TXLNG: variants seen among roughly 807,000 people sequenced by gnomAD.
TXLNG encodes the protein taxilin gamma.
Under a neutral mutation model 38.8 loss-of-function variants are expected in TXLNG, and 5 were observed. The observed-to-expected ratio is 0.13, with a 90% confidence interval of 0.07 to 0.27. The LOEUF is 0.27. TXLNG is among the 10% of genes least tolerant of loss of function. The probability of loss-of-function intolerance (pLI) is 1.00; values close to 1 mark genes in which losing one functional copy is unlikely to be tolerated. For missense variants in TXLNG, 393 were observed against 398.2 expected (o/e 0.99, Z 0.11); for synonymous variants, 182 against 158.2 (o/e 1.15, Z -1.13).
At chrX:16,821,727 A>C (rs914297539) in intron 3 of TXLNG, among the ~76,000 whole-genome samples, 1 of 111,669 alleles carries the variant, frequency 9.0e-6, no homozygotes, top group Non-Finnish European at 1.9e-5. Flanking sequence ...GCGGTGGCTC[A>C]CGCCTGTAAT....
At chrX:16,817,788 A>G (rs1303608311) in intron 1 of TXLNG, among the ~76,000 whole-genome samples, 1 of 112,579 alleles carries the variant, frequency 8.9e-6, no homozygotes, top group East Asian at 2.8e-4. Context: ...TGCTTAAAAT[A>G]TCAGTCTCAA....
intron 1 of TXLNG, among the ~76,000 whole-genome samples, chrX:16,809,155 C>T (rs1219019018): frequency 9.0e-6 from 1 of 110,595 alleles, no homozygotes; most frequent in African/African-American, 3.3e-5. Flanking sequence ...AAATCCCCAT[C>T]AAGATACAGA....
intron 2 of TXLNG, 133 bp downstream of exon 2, chrX:16,819,010 A>G (rs1928844922): frequency 1.7e-6 from 1 of 595,950 alleles, no homozygotes; most frequent in East Asian, 3.8e-5. Flanking sequence ...CGGTGAGGTC[A>G]GTCCATGTGT....
At chrX:16,840,279 C>T (rs780380397) in intron 9 of TXLNG, among the ~76,000 whole-genome samples, 128 of 112,433 alleles carry the variant, frequency 1.1e-3, no homozygotes, top group Non-Finnish European at 2.2e-3. Flanking sequence ...CTGGGCTTCT[C>T]CCAGAGGCTG....
chrX:16,819,058 A>G (rs1928846864), intron 2 of TXLNG, among the ~76,000 whole-genome samples, 181 bp downstream of exon 2: 1 of 110,231 alleles, frequency 9.1e-6, no homozygotes, highest in African/African-American at 3.3e-5. Context: ...AACAGCAGAG[A>G]GGACGCTTAG....
chrX:16,799,339 A>T (rs1927998392), intron 1 of TXLNG, among the ~76,000 whole-genome samples: 2 of 111,956 alleles, frequency 1.8e-5, no homozygotes, highest in Non-Finnish European at 1.9e-5. Context: ...CCTCCATGCC[A>T]GGCTTAATAA....
At chrX:16,833,002 G>T (rs755366434) in intron 6 of TXLNG, among the ~76,000 whole-genome samples, 2 of 111,972 alleles carry the variant, frequency 1.8e-5, no homozygotes, top group Admixed American at 1.9e-4. Context: ...TACCAAATCA[G>T]TGGGAAGACC....
rs774336800 is a variant in TXLNG at position 16,834,318 on chromosome X, C to T, written c.1020C>T (p.Tyr340=). 31 of 1,206,559 alleles carry T rather than the reference C, an allele frequency of 2.6e-5. No homozygotes were observed. The highest frequency in any genetic ancestry group is 2.3e-4 in the Middle Eastern group (1 of 4,342). ...LKEATESRHK[Y]EQMKQQEVQL... is the part of the protein sequence containing the mutation. The stretch of plus-strand genomic sequence containing the variant: ...AAGCGACAGAATCGAGGCACAAATA[C>T]GAACAAATGAAACAGCAAGAAGTAC... Residue 340 remains tyrosine (Y), a synonymous_variant, in exon 7 of 10, where the codon TAC becomes TAT. Transcript: ENST00000380122.
At chrX:16,839,738 C>A in intron 8 of TXLNG, 83 bp from the exon 9 acceptor site, 3 of 665,596 alleles carry the variant, frequency 4.5e-6, no homozygotes, top group Non-Finnish European at 6.8e-6. Flanking sequence ...AGGGGAGGGG[C>A]ACAGAAACAT....
chrX:16,840,288 T>C (rs931952101), intron 9 of TXLNG, among the ~76,000 whole-genome samples: 1 of 112,575 alleles, frequency 8.9e-6, no homozygotes, highest in African/African-American at 3.2e-5. Context: ...TCCCAGAGGC[T>C]GAGTCACTAG....
chrX:16,811,143 G>A (rs906092724), intron 1 of TXLNG, among the ~76,000 whole-genome samples: 9 of 111,720 alleles, frequency 8.1e-5, no homozygotes, highest in Admixed American at 2.9e-4. Context: ...TATCAAATAC[G>A]TGATATTGTA....
chrX:16,803,943 C>T (rs931526767), intron 1 of TXLNG, among the ~76,000 whole-genome samples: 3 of 109,786 alleles, frequency 2.7e-5, no homozygotes, highest in Non-Finnish European at 5.7e-5. Flanking sequence ...CAGAGTGAGA[C>T]TCTGTCTCAA....
At chrX:16,815,544 C>T (rs1254652452) in intron 1 of TXLNG, among the ~76,000 whole-genome samples, 2 of 104,690 alleles carry the variant, frequency 1.9e-5, no homozygotes, top group Admixed American at 1.0e-4. Context: ...TTTTTTGAGA[C>T]GGAGTCTCGC....
At chrX:16,786,969 C>T (rs1220980865) in intron 1 of TXLNG, among the ~76,000 whole-genome samples, 21 of 111,855 alleles carry the variant, frequency 1.9e-4, no homozygotes, top group African/African-American at 6.5e-4. Context: ...ACCGTGCTCC[C>T]GGCGCTGAGC....
At chrX:16,823,984 G>A (rs895243417) in intron 3 of TXLNG, among the ~76,000 whole-genome samples, 2 of 111,171 alleles carry the variant, frequency 1.8e-5, no homozygotes, top group Admixed American at 9.7e-5. Context: ...GTGTTGGGGG[G>A]CACTATTTGG....
chrX:16,788,918 T>C (rs1026281902), intron 1 of TXLNG, among the ~76,000 whole-genome samples: 3 of 111,724 alleles, frequency 2.7e-5, no homozygotes, highest in African/African-American at 9.7e-5. Context: ...GCCACCCACC[T>C]TGGCCTTCCA....
intron 1 of TXLNG, among the ~76,000 whole-genome samples, chrX:16,805,252 G>C (rs1928296048): frequency 9.3e-6 from 1 of 107,162 alleles, no homozygotes. Context: ...CATAGTGTTG[G>C]GATTACAGGC....
chrX:16,815,074 C>T (rs953857817), intron 1 of TXLNG, among the ~76,000 whole-genome samples: 4 of 111,775 alleles, frequency 3.6e-5, no homozygotes, highest in Admixed American at 9.5e-5. Flanking sequence ...ATTTTTGATA[C>T]GGCTTGACAC....
intron 1 of TXLNG, among the ~76,000 whole-genome samples, chrX:16,798,873 C>A (rs1163466725): frequency 9.0e-6 from 1 of 110,684 alleles, no homozygotes; most frequent in East Asian, 2.8e-4. Context: ...CCACTGCGCC[C>A]AGCCAGCATT....
Sources: gnomAD v4.1 joint callset for allele counts (sites outside exome capture counted in the v4.1 genomes callset) on GRCh38, gnomAD v4.1.1 for gene constraint, MANE v1.5 for transcripts, NCBI Gene and HGNC (gene_info 2026-07-23, HGNC 2026-07-21) for gene names.